The following DYNC1LI1 variants were observed in gnomAD, a reference collection of about 807,000 sequenced individuals.
DYNC1LI1 encodes dynein cytoplasmic 1 light intermediate chain 1.
Under a neutral mutation model 63.8 loss-of-function variants are expected in DYNC1LI1, and 19 were observed. The ratio of observed to expected loss-of-function variants is 0.30; its 90% CI spans 0.21 to 0.44. DYNC1LI1 has a LOEUF of 0.44. Ranked by LOEUF, DYNC1LI1 falls within the 20% of genes least tolerant of loss-of-function variation. The pLI, the probability that DYNC1LI1 is intolerant of heterozygous loss-of-function variation, is 1.00. For missense variants in DYNC1LI1, 565 were observed against 630.2 expected, an observed-to-expected ratio of 0.90 and a Z score of 1.11; for synonymous variants, 225 against 232.3, an observed-to-expected ratio of 0.97 and a Z score of 0.28.
intron 5 of DYNC1LI1, among the ~76,000 whole-genome samples, chr3:32,539,112 C>T (rs752390941): frequency 6.6e-6 from 1 of 152,048 alleles, no homozygotes; most frequent in Non-Finnish European, 1.5e-5. Flanking sequence ...CAGCTCTTCA[C>T]CAACCAAAAC....
Position 32,534,599 on chromosome 3 carries a change from C to G in DYNC1LI1, c.880G>C (p.Asp294His). The change falls in exon 7 of 13, where the codon GAC becomes CAC. Residue 294 changes from aspartate to histidine, a missense_variant. Asp to His is a moderately conservative substitution (Grantham distance 81). Transcript: ENST00000273130. ...TGAACGATGTATTTATATACTAAGT[C>G]TATATTTTTGTTTTCTTTTACTGAA... ...YTSVKENKNI[D>H]LVYKYIVQKL... 4 of 1,586,914 alleles carry G rather than the reference C, an allele frequency of 2.5e-6. No individual in the cohort carries two copies. The highest frequency in any genetic ancestry group is 3.4e-6 in the Non-Finnish European group (4 of 1,159,810).
At chr3:32,527,939 G>A (rs1368462496) in intron 12 of DYNC1LI1, among the ~76,000 whole-genome samples, 3 of 151,054 alleles carry the variant, frequency 2.0e-5, no homozygotes, top group African/African-American at 2.4e-5. Flanking sequence ...TGGCCAACAC[G>A]GTGAAACACC....
In DYNC1LI1 at chr3:32,545,866, T is replaced by C; in HGVS notation, c.320A>G (p.His107Arg). The change falls in exon 3 of 13, where the codon CAT becomes CGT. Residue 107 changes from histidine to arginine, a missense_variant. By Grantham distance (29) the His-to-Arg change is conservative. Transcript: ENST00000273130. ...ACACTCACCATCCCTGTCTTCATCA[T>C]GCACATTTAAGTACAAATATTCCAA... is the stretch of plus-strand genomic sequence containing the variant. ...RGLEYLYLNVHDEDRDDQTRC... is the reference protein window; with the variant it reads ...RGLEYLYLNVRDEDRDDQTRC... 6.2e-7 allele frequency: 1 copy of C among 1,608,300 alleles called. No individual in the cohort carries two copies. Among genetic ancestry groups the C allele is most frequent in the Non-Finnish European group, 8.5e-7 (1 of 1,174,914 alleles).
intron 2 of DYNC1LI1, among the ~76,000 whole-genome samples, chr3:32,550,495 T>C (rs144017113): frequency 6.2e-4 from 94 of 152,340 alleles, no homozygotes; most frequent in Non-Finnish European, 1.2e-3. Flanking sequence ...TTTTAATTTC[T>C]TGCAGCCATC....
intron 8 of DYNC1LI1, 136 bp from the exon 9 acceptor site, chr3:32,530,656 G>T: frequency 1.3e-6 from 1 of 759,168 alleles, no homozygotes; most frequent in Non-Finnish European, 2.1e-6. Flanking sequence ...ATATTCACAT[G>T]CGTGAGCTGC....
chr3:32,543,938 T>C (rs569345500), intron 4 of DYNC1LI1, among the ~76,000 whole-genome samples: 76 of 149,822 alleles, frequency 5.1e-4, no homozygotes, highest in Admixed American at 1.7e-3. Flanking sequence ...TGGTGGTACG[T>C]GCCTGTACTA....
At chr3:32,545,541 GA>G (rs778184984) in intron 3 of DYNC1LI1, 23 of 350,876 alleles carry the variant, frequency 6.6e-5, no homozygotes, top group Non-Finnish European at 1.1e-4. Context: ...CAGAAAATTA[GA>G]AAGTGAAATG....
intron 7 of DYNC1LI1, among the ~76,000 whole-genome samples, chr3:32,533,337 C>T (rs1279154010): frequency 6.6e-6 from 1 of 152,104 alleles, no homozygotes; most frequent in Non-Finnish European, 1.5e-5. Flanking sequence ...GCTGGGCATG[C>T]ATGGTGGCAT....
At chr3:32,555,026 T>A (rs569120219) in intron 2 of DYNC1LI1, among the ~76,000 whole-genome samples, 2 of 151,984 alleles carry the variant, frequency 1.3e-5, no homozygotes, top group Non-Finnish European at 2.9e-5. Flanking sequence ...CATGCCACCA[T>A]GCCCGGCTAG....
intron 5 of DYNC1LI1, among the ~76,000 whole-genome samples, chr3:32,540,758 T>C (rs1010674598): frequency 3.9e-5 from 6 of 152,098 alleles, no homozygotes; most frequent in African/African-American, 1.2e-4. Flanking sequence ...CCTGTAATTA[T>C]TTCTACTAAA....
At chr3:32,534,847 A>C (rs1304584128) in intron 6 of DYNC1LI1, among the ~76,000 whole-genome samples, 1 of 152,248 alleles carries the variant, frequency 6.6e-6, no homozygotes, top group Non-Finnish European at 1.5e-5. Context: ...GAATTTTTAC[A>C]TAATCAATTT....
At chr3:32,536,908 GTTTA>G in intron 6 of DYNC1LI1, 99 bp downstream of exon 6, 1 of 620,108 alleles carries the variant, frequency 1.6e-6, no homozygotes, top group Non-Finnish European at 2.8e-6. Context: ...AAGGAGAAAT[GTTTA>G]CAGAATTTCT....
intron 2 of DYNC1LI1, among the ~76,000 whole-genome samples, chr3:32,549,926 A>G (rs1352037849): frequency 6.6e-6 from 1 of 152,234 alleles, no homozygotes; most frequent in Non-Finnish European, 1.5e-5. Flanking sequence ...TTCCAAATAA[A>G]AAATACGTAG....
At position 32,570,194 on chromosome 3, in the gene DYNC1LI1, T is replaced by C. The variant is rs542206734; in HGVS notation, c.220+152A>G. Reference sequence around the variant, plus strand: ...TGGGTCAAGGGTCTCGTGTTCCCCTTCTCTCCCAGCCATCCGCGACAGGTC... The same window carrying C: ...TGGGTCAAGGGTCTCGTGTTCCCCTCCTCTCCCAGCCATCCGCGACAGGTC... On this transcript the variant is annotated intron_variant, in intron 2 of 12. Coordinates refer to ENST00000273130, the MANE Select transcript of DYNC1LI1 (RefSeq NM_016141.4). 2.0e-3 allele frequency: 1,516 copies of C among 746,140 alleles called. 3 individuals are homozygous for C. The highest frequency in any genetic ancestry group is 2.9e-3 in the Non-Finnish European group (1,239 of 426,262). 46.2% of individuals were successfully genotyped at this position (746,140 alleles called of 1,614,324 possible).
At chr3:32,549,511 T>G (rs1406921238) in intron 2 of DYNC1LI1, among the ~76,000 whole-genome samples, 3 of 152,006 alleles carry the variant, frequency 2.0e-5, no homozygotes, top group Non-Finnish European at 4.4e-5. Flanking sequence ...TTGATTTGGA[T>G]TATCCCACAA....
intron 3 of DYNC1LI1, chr3:32,545,490 AT>A: frequency 3.1e-6 from 1 of 325,516 alleles, no homozygotes; most frequent in South Asian, 4.1e-5. Flanking sequence ...AGAAGAAAAA[AT>A]AGCTGATAGA....
In DYNC1LI1 at chr3:32,550,083, T is replaced by C. The variant is rs542286458; in HGVS notation, c.221-4118A>G. 5.3e-5 allele frequency among the ~76,000 whole-genome samples: 8 copies of C among 152,336 alleles called. No individual in the cohort carries two copies. The South Asian group carries it at 1.0e-3, about 20-fold the overall frequency. On this transcript the variant is annotated intron_variant, in intron 2 of 12. Coordinates refer to ENST00000273130, the MANE Select transcript of DYNC1LI1 (RefSeq NM_016141.4). ...TCTTCCTTTTAGTTTAACTAATCTCTAAAGGTTTAAGTTAGTAGATTCAGA... is the reference window on the plus strand; with the variant it reads ...TCTTCCTTTTAGTTTAACTAATCTCCAAAGGTTTAAGTTAGTAGATTCAGA...
intron 2 of DYNC1LI1, among the ~76,000 whole-genome samples, chr3:32,550,759 G>C (rs1267229439): frequency 6.6e-6 from 1 of 152,170 alleles, no homozygotes; most frequent in African/African-American, 2.4e-5. Context: ...AGTAAATATT[G>C]AGTGGGGCCT....
intron 6 of DYNC1LI1, among the ~76,000 whole-genome samples, chr3:32,535,021 T>C (rs1697755920): frequency 6.6e-6 from 1 of 152,202 alleles, no homozygotes. Flanking sequence ...AGCTGTTTTG[T>C]TTGCCTTTTC....
Sources: gnomAD v4.1 joint callset for allele counts (sites outside exome capture counted in the v4.1 genomes callset) on GRCh38, gnomAD v4.1.1 for gene constraint, MANE v1.5 for transcripts, NCBI Gene and HGNC (gene_info 2026-07-23, HGNC 2026-07-21) for gene names.